The following EXOSC10 variants were observed in gnomAD, a reference collection of about 807,000 sequenced individuals.
EXOSC10 encodes exosome complex component 10.
A neutral mutation model predicts 126.6 loss-of-function variants in EXOSC10; 94 were observed. That is an observed-to-expected ratio of 0.74 (90% confidence interval 0.63 to 0.88). EXOSC10 has a LOEUF of 0.88. Among genes scored for constraint, EXOSC10 ranks in the 40% least tolerant of loss-of-function variants. The pLI, the probability that EXOSC10 is intolerant of heterozygous loss-of-function variation, is 0.00. For missense variants in EXOSC10, 1,041 were observed against 1,100.5 expected (o/e 0.95, Z 0.77); for synonymous variants, 395 against 400.8 (o/e 0.99, Z 0.17).
At position 11,075,853 on chromosome 1, in the gene EXOSC10, C is replaced by CAAAAA. The variant is rs58667041; in HGVS notation, c.1986+984_1986+988dup. Among the ~76,000 whole-genome samples, 46 of 35,138 alleles carry CAAAAA rather than the reference C, an allele frequency of 1.3e-3. 6 individuals carry two copies. Among genetic ancestry groups the CAAAAA allele is most frequent in the African/African-American group, 5.4e-3 (41 of 7,662 alleles). The allele number at this position is 35,138 out of a possible 152,430, so 23.1% of individuals were successfully genotyped here. On this transcript the variant is annotated intron_variant, in intron 17 of 24. Transcript: ENST00000376936. ...TGGGTGACAGGATGAGATCCTGTCA[C>CAAAAA]AAAAAAAAAAAAAAAAAAAAAAAAA... is the stretch of plus-strand genomic sequence containing the variant.
intron 17 of EXOSC10, among the ~76,000 whole-genome samples, chr1:11,076,193 A>T (rs1022594051): frequency 1.3e-5 from 2 of 151,806 alleles, no homozygotes; most frequent in Admixed American, 6.6e-5. Context: ...AAACAAAAAA[A>T]GTGAAATAGC....
chr1:11,099,516 C>G (rs533878834), intron 1 of EXOSC10, among the ~76,000 whole-genome samples: 1 of 152,354 alleles, frequency 6.6e-6, no homozygotes, highest in East Asian at 1.9e-4. Context: ...TGGACTTAGG[C>G]TCGCAAGCGG....
chr1:11,069,244 T>TGTGTGTGTGTGAGAGAGAGAGAGAGAGA, intron 22 of EXOSC10, among the ~76,000 whole-genome samples: 30 of 116,870 alleles, frequency 2.6e-4, no homozygotes, highest in South Asian at 1.2e-3. Flanking sequence ...TGTGTGTGTG[T>TGTGTGTGTGTGAGAGAGAGAGAGAGAGA]GAGAGAGAGA....
rs373745179 is a variant in EXOSC10 at position 11,087,757 on chromosome 1, C to T, written c.945+43G>A. 8.8e-4 allele frequency: 1,354 copies of T among 1,538,852 alleles called. 4 individuals carry two copies. Among genetic ancestry groups the T allele is most frequent in the South Asian group, 3.3e-3 (279 of 85,110 alleles). Reference sequence around the variant, plus strand: ...TATACTTCTCCAACAGGTGAACTCACAGAAAAATGTAAAAATTTTACCCAG... The same window carrying T: ...TATACTTCTCCAACAGGTGAACTCATAGAAAAATGTAAAAATTTTACCCAG... On this transcript the variant is annotated intron_variant, in intron 8 of 24. Transcript: ENST00000376936.
chr1:11,075,565 G>C (rs1639763210), intron 17 of EXOSC10, among the ~76,000 whole-genome samples: 1 of 152,180 alleles, frequency 6.6e-6, no homozygotes, highest in Non-Finnish European at 1.5e-5. Flanking sequence ...AATTAGCTCT[G>C]AGGTCAGCTA....
Position 11,066,674 on chromosome 1 carries a change from G to A in EXOSC10, c.*44C>T. On this transcript the variant is annotated 3_prime_UTR_variant, in exon 25 of 25. Coordinates refer to ENST00000376936, the MANE Select transcript of EXOSC10 (RefSeq NM_001001998.3). Reference sequence around the variant, plus strand: ...ATATGTATGTACAAAAGCAGCACCAGCATTTGGTGCTTCCGGTCCACAGGC... The same window carrying A: ...ATATGTATGTACAAAAGCAGCACCAACATTTGGTGCTTCCGGTCCACAGGC... 6.3e-7 allele frequency: 1 copy of A among 1,599,020 alleles called. No individual in the cohort carries two copies. The highest frequency in any genetic ancestry group is 1.7e-5 in the Admixed American group (1 of 59,996).
Position 11,076,901 on chromosome 1 carries a change from C to CT in EXOSC10, c.1926dup (p.Glu643ArgfsTer3). On this transcript the variant is annotated frameshift_variant, in exon 17 of 25. Transcript: ENST00000376936. LOFTEE classifies it high-confidence loss of function. ...CATGTGGTACCCAGCAAGTTATCTT[C>CT]TTTTTCATCAGGGAAGAGGCTCGCC... 1 of 1,614,016 alleles carries CT rather than the reference C, an allele frequency of 6.2e-7. No individual in the cohort carries two copies. The highest frequency in any genetic ancestry group is 8.5e-7 in the Non-Finnish European group (1 of 1,180,036).
Position 11,078,271 on chromosome 1 carries a change from T to A in EXOSC10, c.1750-620A>T, listed in dbSNP as rs943018135. On this transcript the variant is annotated intron_variant, in intron 14 of 24. Coordinates refer to ENST00000376936, the MANE Select transcript of EXOSC10 (RefSeq NM_001001998.3). ...CAGAGCAAGACCCTGTTTCTTTTTT[T>A]TTTTGAGACGGAGTCTCGCTCTGTC... Among the ~76,000 whole-genome samples, 8 of 150,934 alleles carry A rather than the reference T, an allele frequency of 5.3e-5. No homozygotes were observed. The East Asian group carries it at 1.4e-3, about 26-fold the overall frequency.
intron 9 of EXOSC10, among the ~76,000 whole-genome samples, chr1:11,083,446 C>T (rs1388870479): frequency 1.3e-5 from 2 of 151,488 alleles, no homozygotes; most frequent in Non-Finnish European, 2.9e-5. Flanking sequence ...CCTTTAACCC[C>T]AGCTACTTGG....
At chr1:11,095,948 G>C in intron 2 of EXOSC10, 67 bp from the exon 3 acceptor site, 1 of 1,540,052 alleles carries the variant, frequency 6.5e-7, no homozygotes, top group Non-Finnish European at 8.9e-7. Context: ...CTGTGAGAGA[G>C]AATGTTCAAA....
intron 8 of EXOSC10, 40 bp from the exon 9 acceptor site, chr1:11,087,631 G>C: frequency 6.2e-7 from 1 of 1,608,658 alleles, no homozygotes. Context: ...GAAAAACAAA[G>C]ATTATATTAG....
chr1:11,081,767 T>C (rs1640179284), intron 10 of EXOSC10, among the ~76,000 whole-genome samples: 1 of 152,238 alleles, frequency 6.6e-6, no homozygotes. Flanking sequence ...CCAAATGTAA[T>C]TTTACTTTTA....
In EXOSC10 at chr1:11,071,345, A is replaced by G. The variant is rs1639477670; in HGVS notation, c.2243-372T>C. ...AACTCCAGCTTTCCAGCTGCTCAGG[A>G]CAAAACCTTCATCCAAGGTTCCCTT... On this transcript the variant is annotated intron_variant, in intron 20 of 24. Coordinates refer to ENST00000376936, the MANE Select transcript of EXOSC10 (RefSeq NM_001001998.3). 3 of 250,572 alleles carry G rather than the reference A, an allele frequency of 1.2e-5. No individual in the cohort carries two copies. The South Asian group carries it at 3.1e-4, about 26-fold the overall frequency. 15.5% of individuals were successfully genotyped at this position (250,572 alleles called of 1,614,324 possible).
Position 11,074,020 on chromosome 1 carries a change from A to AAATGGCTGCGTG in EXOSC10, c.2083-13_2083-12insCACGCAGCCATT. The stretch of plus-strand genomic sequence containing the variant: ...AGTGAGGGCAGAAACTGGAGGAAGG[A>AAATGGCTGCGTG]AATGGCTGTGTGAAACGCTGCCGGG... On this transcript the variant is annotated splice_polypyrimidine_tract_variant and intron_variant, in intron 18 of 24. Coordinates refer to ENST00000376936, the MANE Select transcript of EXOSC10 (RefSeq NM_001001998.3). 1 of 1,613,536 alleles carries AAATGGCTGCGTG rather than the reference A, an allele frequency of 6.2e-7. No individual in the cohort carries two copies. Among genetic ancestry groups the AAATGGCTGCGTG allele is most frequent in the Non-Finnish European group, 8.5e-7 (1 of 1,179,472 alleles).
intron 10 of EXOSC10, 90 bp from the exon 11 acceptor site, chr1:11,081,328 C>A (rs1640156159): frequency 5.6e-6 from 8 of 1,420,348 alleles, no homozygotes; most frequent in Non-Finnish European, 7.8e-6. Context: ...CTTCCTTAGA[C>A]CCTTCCAATA....
In EXOSC10 at chr1:11,098,007, G is replaced by A. The variant is rs2100247144; in HGVS notation, c.248+13C>T. ...CTTTTCACTAACACAAGAAAACAAA[G>A]TACAGTACTTACCACTGAAGCAACC... On this transcript the variant is annotated intron_variant, in intron 2 of 24. Transcript: ENST00000376936. 6.3e-7 allele frequency: 1 copy of A among 1,580,096 alleles called. No homozygotes were observed. Among genetic ancestry groups the A allele is most frequent in the South Asian group, 1.2e-5 (1 of 85,088 alleles).
At chr1:11,076,007 T>C (rs1246160720) in intron 17 of EXOSC10, among the ~76,000 whole-genome samples, 2 of 150,500 alleles carry the variant, frequency 1.3e-5, no homozygotes, top group Middle Eastern at 3.5e-3. Flanking sequence ...CTATTAAAAA[T>C]ATAAAATATT....
At chr1:11,080,587 C>G in intron 12 of EXOSC10, 38 bp from the exon 13 acceptor site, 2 of 1,601,634 alleles carry the variant, frequency 1.2e-6, no homozygotes, top group Non-Finnish European at 1.7e-6. Context: ...CACACACACA[C>G]ACACACACAC....
Position 11,073,520 on chromosome 1 carries a change from G to A in EXOSC10, c.2157+414C>T, listed in dbSNP as rs539187600. On this transcript the variant is annotated intron_variant, in intron 19 of 24. Coordinates refer to ENST00000376936, the MANE Select transcript of EXOSC10 (RefSeq NM_001001998.3). ...AAAGGGCTTTTGCATTCATTTTCAC[G>A]GGATTCACAGATGAGATAGGCTTGT... Among the ~76,000 whole-genome samples the A allele has an allele frequency of 3.3e-5, 5 of 152,240 alleles. 1 individual carries two copies. In the South Asian group the frequency reaches 8.3e-4, roughly 25 times the overall value.
Sources: gnomAD v4.1 joint callset for allele counts (sites outside exome capture counted in the v4.1 genomes callset) on GRCh38, gnomAD v4.1.1 for gene constraint, MANE v1.5 for transcripts, NCBI Gene and HGNC (gene_info 2026-07-23, HGNC 2026-07-21) for gene names.